NUGGC: variants seen among roughly 807,000 people sequenced by gnomAD.
The protein encoded by NUGGC is nuclear GTPase, germinal center associated, also known as nuclear GTPase SLIP-GC.
NUGGC carries 58 observed loss-of-function variants against 92.6 expected under a neutral mutation model. That is an observed-to-expected ratio of 0.63 (90% CI 0.51 to 0.78). The LOEUF is 0.78. Among genes scored for constraint, NUGGC ranks in the 30% least tolerant of loss-of-function variants. NUGGC has a pLI of 0.00. For synonymous variants in NUGGC, 376 were observed against 366.4 expected (o/e 1.03, Z -0.30); for missense variants, 925 against 964.6 (o/e 0.96, Z 0.54).
chr8:28,023,393 C>G lies in NUGGC; in HGVS notation c.2315G>C (p.Arg772Pro), dbSNP rs763797956. Reference sequence around the variant, plus strand: ...GAATTCTTGCATGCCCTTCCTCAGCCGTGCATTCTCCGCGACCTCCCTCAG... The same window carrying G: ...GAATTCTTGCATGCCCTTCCTCAGCGGTGCATTCTCCGCGACCTCCCTCAG... ...RSLREVAENA[R>P]LRKGMQEFLL... Residue 772 changes from arginine (R) to proline (P), a missense_variant, in exon 19 of 19, where the codon CGG (arginine) becomes CCG (proline). By Grantham distance (103) the Arg-to-Pro change is moderately radical (BLOSUM62 -2). Coordinates refer to ENST00000413272, the MANE Select transcript of NUGGC (RefSeq NM_001010906.2). 1.2e-6 allele frequency: 2 copies of G among 1,613,886 alleles called. No homozygotes were observed. The highest frequency in any genetic ancestry group is 2.7e-5 in the African/African-American group (2 of 74,916).
intron 7 of NUGGC, 66 bp from the exon 8 acceptor site, chr8:28,060,667 C>T (rs917974658): frequency 2.8e-6 from 4 of 1,439,180 alleles, no homozygotes; most frequent in South Asian, 1.3e-5. Flanking sequence ...GGACCGGTTC[C>T]CTAATGTATC....
At chr8:28,079,932 T>TTTG (rs112639749) in intron 1 of NUGGC, among the ~76,000 whole-genome samples, 13 of 150,952 alleles carry the variant, frequency 8.6e-5, no homozygotes, top group Non-Finnish European at 1.8e-4. Context: ...TTCTTTGTTT[T>TTTG]TTTGTTTGTT....
chr8:28,029,381 T>C lies in NUGGC; in HGVS notation c.2039A>G (p.Lys680Arg). 1 of 1,612,786 alleles carries C rather than the reference T, an allele frequency of 6.2e-7. No individual in the cohort carries two copies. Among genetic ancestry groups the C allele is most frequent in the Non-Finnish European group, 8.5e-7 (1 of 1,179,406 alleles). ...ATCTTTCATCCGCTCACACGCTTTTTTGCCCGTGATCTGAGCTGCCTCTGG... is the reference window on the plus strand; with the variant it reads ...ATCTTTCATCCGCTCACACGCTTTTCTGCCCGTGATCTGAGCTGCCTCTGG... ...CYEEAAQITG[K>R]KACERMKDAI... Residue 680 changes from lysine to arginine, a missense_variant, in exon 17 of 19, where the codon AAA becomes AGA. By Grantham distance (26) the Lys-to-Arg change is conservative. Coordinates refer to ENST00000413272, the MANE Select transcript of NUGGC (RefSeq NM_001010906.2).
At position 28,030,611 on chromosome 8, in the gene NUGGC, A is replaced by G. The variant is rs536931160; in HGVS notation, c.1909-193T>C. 1.4e-4 allele frequency among the ~76,000 whole-genome samples: 22 copies of G among 152,312 alleles called. No homozygotes were observed. In the South Asian group the frequency reaches 4.4e-3, roughly 30 times the overall value. ...CTGTTCTAAGCATCTTTATACCCCA[A>G]GTGCTTCCCATGGTGCCTGGCACCT... On this transcript the variant is annotated intron_variant, in intron 15 of 18. Coordinates refer to ENST00000413272, the MANE Select transcript of NUGGC (RefSeq NM_001010906.2).
chr8:28,028,545 C>A (rs777990868), intron 17 of NUGGC, among the ~76,000 whole-genome samples: 9 of 152,092 alleles, frequency 5.9e-5, no homozygotes, highest in Non-Finnish European at 1.3e-4. Context: ...TGGGTTGAGG[C>A]AGAAAATGTG....
At chr8:28,052,225 T>G (rs1810025170) in intron 10 of NUGGC, among the ~76,000 whole-genome samples, 1 of 152,176 alleles carries the variant, frequency 6.6e-6, no homozygotes, top group Admixed American at 6.5e-5. Flanking sequence ...GGCACATTGT[T>G]TCCCCGTTTA....
chr8:28,079,866 G>A (rs564667539), intron 1 of NUGGC, among the ~76,000 whole-genome samples: 3 of 152,334 alleles, frequency 2.0e-5, no homozygotes, highest in Non-Finnish European at 4.4e-5. Flanking sequence ...ATTGTATGCA[G>A]GAACTGAAGC....
intron 18 of NUGGC, among the ~76,000 whole-genome samples, chr8:28,024,576 A>ATTGCAGTCCC (rs1226029221): frequency 6.6e-6 from 1 of 152,152 alleles, no homozygotes; most frequent in Non-Finnish European, 1.5e-5. Flanking sequence ...ACGCTGACTA[A>ATTGCAGTCCC]TTGCAGTCCC....
intron 10 of NUGGC, among the ~76,000 whole-genome samples, chr8:28,051,076 G>A (rs573653269): frequency 2.0e-5 from 3 of 152,068 alleles, no homozygotes; most frequent in East Asian, 1.9e-4. Flanking sequence ...CTCCCACCTC[G>A]GCCTCCCAAA....
intron 10 of NUGGC, among the ~76,000 whole-genome samples, chr8:28,053,486 GAA>G (rs77542322): frequency 2.0e-5 from 3 of 147,444 alleles, no homozygotes; most frequent in African/African-American, 7.5e-5. Flanking sequence ...ACCCATCTGG[GAA>G]AAAAAAAAAG....
intron 7 of NUGGC, among the ~76,000 whole-genome samples, chr8:28,061,179 G>A (rs1233685393): frequency 6.6e-6 from 1 of 152,204 alleles, no homozygotes; most frequent in Non-Finnish European, 1.5e-5. Context: ...CTACCCTCAA[G>A]CTGTCACCTG....
chr8:28,030,562 G>A, intron 15 of NUGGC, 144 bp from the exon 16 acceptor site: 2 of 638,950 alleles, frequency 3.1e-6, no homozygotes, highest in South Asian at 1.8e-5. Context: ...CAACTAGGCT[G>A]TGAGCTTCTC....
intron 18 of NUGGC, among the ~76,000 whole-genome samples, chr8:28,026,687 T>G (rs1217824744): frequency 6.6e-6 from 1 of 152,138 alleles, no homozygotes; most frequent in Non-Finnish European, 1.5e-5. Context: ...GAGAATTCAG[T>G]GAAACCATGA....
chr8:28,050,929 T>C (rs1324585814), intron 10 of NUGGC, among the ~76,000 whole-genome samples: 6 of 152,206 alleles, frequency 3.9e-5, no homozygotes, highest in African/African-American at 1.4e-4. Flanking sequence ...TATGTTGCAG[T>C]GATGTCACTC....
In NUGGC at chr8:28,039,420, C is replaced by T. The variant is rs368998192; in HGVS notation, c.1611+1631G>A. 6.6e-5 allele frequency among the ~76,000 whole-genome samples: 10 copies of T among 152,096 alleles called. No individual in the cohort carries two copies. In the South Asian group the frequency reaches 1.0e-3, roughly 16 times the overall value. Reference sequence around the variant, plus strand: ...CTAGTTTTTGTATTTTTAGTAGAGACTGGGTTTCACCATGTTGGCCAGGCT... The same window carrying T: ...CTAGTTTTTGTATTTTTAGTAGAGATTGGGTTTCACCATGTTGGCCAGGCT... On this transcript the variant is annotated intron_variant, in intron 13 of 18. Coordinates refer to ENST00000413272, the MANE Select transcript of NUGGC (RefSeq NM_001010906.2).
intron 12 of NUGGC, among the ~76,000 whole-genome samples, chr8:28,044,063 A>C (rs1043981768): frequency 1.3e-5 from 2 of 152,186 alleles, no homozygotes; most frequent in African/African-American, 4.8e-5. Context: ...GCATTTATAC[A>C]CAACCAAAGG....
In NUGGC at chr8:28,058,950, C is replaced by T. The variant is rs191026957; in HGVS notation, c.1098-674G>A. Among the ~76,000 whole-genome samples, 4 of 152,164 alleles carry T rather than the reference C, an allele frequency of 2.6e-5. No homozygotes were observed. In the South Asian group the frequency reaches 8.3e-4, roughly 32 times the overall value. On this transcript the variant is annotated intron_variant, in intron 8 of 18. Coordinates refer to ENST00000413272, the MANE Select transcript of NUGGC (RefSeq NM_001010906.2). ...CAATCTCCTGACCTTGTGATCTGCC[C>T]GCCTCAGCCTCCCAAAGTGCTGGGA...
intron 9 of NUGGC, among the ~76,000 whole-genome samples, chr8:28,056,456 C>T (rs527445066): frequency 2.2e-4 from 33 of 148,766 alleles, no homozygotes; most frequent in African/African-American, 4.7e-4. Flanking sequence ...CCAGCCTGGG[C>T]GACAGAGTGA....
intron 10 of NUGGC, among the ~76,000 whole-genome samples, chr8:28,054,876 C>A (rs149043539): frequency 2.0e-5 from 3 of 151,550 alleles, no homozygotes; most frequent in Non-Finnish European, 4.4e-5. Flanking sequence ...AGTGGAAACC[C>A]CATCTTTAAA....
Sources: gnomAD v4.1 joint callset for allele counts (sites outside exome capture counted in the v4.1 genomes callset) on GRCh38, gnomAD v4.1.1 for gene constraint, MANE v1.5 for transcripts, NCBI Gene and HGNC (gene_info 2026-07-23, HGNC 2026-07-21) for gene names.